Variants in BMAL1 observed in about 807,000 individuals in gnomAD.
The protein encoded by BMAL1 is basic helix-loop-helix ARNT-like protein 1.
the BMAL1 span, chr11:13,378,559 G>A: frequency 2.8e-6 from 4 of 1,427,392 alleles, no homozygotes; most frequent in Non-Finnish European, 2.9e-6. Flanking sequence ...TTCACAACTG[G>A]GTGGGAGGTT....
the BMAL1 span, among the ~76,000 whole-genome samples, chr11:13,337,320 T>C: frequency 1.3e-5 from 2 of 152,176 alleles, no homozygotes; most frequent in Admixed American, 1.3e-4. Flanking sequence ...CTGGGAAATA[T>C]TGTGTATATA....
chr11:13,354,478 G>GT, the BMAL1 span: 2 of 1,605,460 alleles, frequency 1.2e-6, no homozygotes, highest in Non-Finnish European at 1.7e-6. Flanking sequence ...TCTTCCTCTT[G>GT]TTAAACTTGG....
the BMAL1 span, among the ~76,000 whole-genome samples, chr11:13,299,736 A>G: frequency 1.3e-5 from 2 of 152,172 alleles, no homozygotes; most frequent in Non-Finnish European, 2.9e-5. Context: ...CAGAGTTTCA[A>G]CTGAACCAAC....
the BMAL1 span, among the ~76,000 whole-genome samples, chr11:13,359,005 T>C: frequency 6.6e-6 from 1 of 152,224 alleles, no homozygotes; most frequent in Non-Finnish European, 1.5e-5. Context: ...AAATTCATCA[T>C]GGTTCCTTTG....
At chr11:13,328,115 C>A in the BMAL1 span, among the ~76,000 whole-genome samples, 2 of 152,148 alleles carry the variant, frequency 1.3e-5, no homozygotes, top group African/African-American at 4.8e-5. Flanking sequence ...TGAGATGTAC[C>A]TGCTGATTTG....
At chr11:13,300,029 C>T in the BMAL1 span, among the ~76,000 whole-genome samples, 1 of 152,318 alleles carries the variant, frequency 6.6e-6, no homozygotes, top group South Asian at 2.1e-4. Context: ...TCCCATTCCT[C>T]ATGGCTGTTT....
the BMAL1 span, among the ~76,000 whole-genome samples, chr11:13,340,174 TA>T: frequency 8.9e-4 from 136 of 152,302 alleles, no homozygotes; most frequent in African/African-American, 3.2e-3. Context: ...GGGGCAGTGG[TA>T]GCCGTCTGAG....
At chr11:13,385,594 G>GA in the BMAL1 span, 1 of 825,840 alleles carries the variant, frequency 1.2e-6, no homozygotes, top group East Asian at 2.6e-5. Context: ...GAAGCCATTT[G>GA]AAGCTTCTCC....
chr11:13,356,957 G>C, the BMAL1 span: 1 of 1,595,844 alleles, frequency 6.3e-7, no homozygotes, highest in Non-Finnish European at 8.5e-7. Flanking sequence ...TGTCTGCAGA[G>C]AGATGACAGG....
the BMAL1 span, among the ~76,000 whole-genome samples, chr11:13,383,473 C>T: frequency 3.3e-5 from 5 of 152,084 alleles, no homozygotes; most frequent in Admixed American, 6.6e-5. Flanking sequence ...ACAAGTGGCA[C>T]CAAACTATAC....
the BMAL1 span, chr11:13,358,313 A>G: frequency 4.2e-6 from 5 of 1,185,468 alleles, no homozygotes; most frequent in Non-Finnish European, 4.5e-6. Flanking sequence ...AACATTCTGC[A>G]AATTCTAAAT....
chr11:13,374,274 C>T, the BMAL1 span: 3 of 1,381,408 alleles, frequency 2.2e-6, no homozygotes, highest in Non-Finnish European at 3.1e-6. Flanking sequence ...CATGACCTTC[C>T]AGGGAAATCT....
the BMAL1 span, among the ~76,000 whole-genome samples, chr11:13,360,667 T>G: frequency 5.3e-5 from 8 of 152,264 alleles, no homozygotes; most frequent in African/African-American, 1.9e-4. Context: ...CAATTTAAAA[T>G]CAGAAGAGTC....
the BMAL1 span, chr11:13,380,917 A>G: frequency 2.4e-6 from 1 of 408,398 alleles, no homozygotes; most frequent in Non-Finnish European, 4.4e-6. Flanking sequence ...TTTTGTAAAT[A>G]AAGTTTTATT....
At chr11:13,303,655 G>T in the BMAL1 span, among the ~76,000 whole-genome samples, 1 of 152,286 alleles carries the variant, frequency 6.6e-6, no homozygotes, top group South Asian at 2.1e-4. Context: ...CTGTGTCTCT[G>T]CCTTCTTCAA....
At chr11:13,354,208 C>T in the BMAL1 span, 1 of 985,862 alleles carries the variant, frequency 1.0e-6, no homozygotes, top group Middle Eastern at 2.7e-4. Context: ...CGGCCCCCCA[C>T]CACCAAACCC....
At chr11:13,300,504 G>C in the BMAL1 span, among the ~76,000 whole-genome samples, 29 of 152,226 alleles carry the variant, frequency 1.9e-4, no homozygotes, top group Admixed American at 1.3e-3. Context: ...GTGAAAGACT[G>C]TGTGTATAAA....
the BMAL1 span, chr11:13,385,917 A>G: frequency 1.3e-6 from 1 of 748,920 alleles, no homozygotes. Context: ...AACAGAATAA[A>G]AGTTTAAAAT....
At chr11:13,372,169 G>A in the BMAL1 span, 7 of 1,613,656 alleles carry the variant, frequency 4.3e-6, no homozygotes, top group Admixed American at 1.7e-5. Context: ...CTAGCAGATC[G>A]AAAAAGCTTC....
Sources: gnomAD v4.1 joint callset for allele counts (sites outside exome capture counted in the v4.1 genomes callset) on GRCh38, gnomAD v4.1.1 for gene constraint, MANE v1.5 for transcripts, NCBI Gene and HGNC (gene_info 2026-07-23, HGNC 2026-07-21) for gene names.